Variants in CFAP299 observed in about 807,000 individuals in gnomAD.
CFAP299 encodes the protein cilia and flagella associated protein 299.
In CFAP299, 21 loss-of-function variants were observed where a neutral mutation model predicts 27.0. The ratio of observed to expected loss-of-function variants is 0.78; its 90% CI spans 0.55 to 1.12. The LOEUF (loss-of-function observed/expected upper bound fraction) is 1.12. Among genes scored for constraint, CFAP299 ranks in the 50% most tolerant of loss-of-function variants. The probability of loss-of-function intolerance (pLI) is 0.00; values close to 1 mark genes in which losing one functional copy is unlikely to be tolerated. For synonymous variants in CFAP299, 104 were observed against 98.1 expected (o/e 1.06, Z -0.36); for missense variants, 310 against 276.6 (o/e 1.12, Z -0.86).
chr4:80,944,776 C>T (rs374375143), intron 4 of CFAP299, 34 bp from the exon 5 acceptor site: 13 of 1,495,096 alleles, frequency 8.7e-6, no homozygotes, highest in Non-Finnish European at 1.2e-5. Context: ...ATGCATTATA[C>T]ATCTTAATTC....
At chr4:80,407,190 T>C (rs1421740934) in intron 2 of CFAP299, among the ~76,000 whole-genome samples, 1 of 151,868 alleles carries the variant, frequency 6.6e-6, no homozygotes, top group Non-Finnish European at 1.5e-5. Flanking sequence ...GAATACACAA[T>C]AATAAAAGCC....
chr4:80,908,904 G>GCACA (rs150862436), intron 4 of CFAP299, among the ~76,000 whole-genome samples: 2 of 150,140 alleles, frequency 1.3e-5, no homozygotes, highest in African/African-American at 4.9e-5. Context: ...ATACACGCAA[G>GCACA]CACACACACA....
At chr4:80,580,379 T>C (rs1385398902) in intron 2 of CFAP299, among the ~76,000 whole-genome samples, 1 of 152,002 alleles carries the variant, frequency 6.6e-6, no homozygotes, top group Non-Finnish European at 1.5e-5. Flanking sequence ...AAGTTAGGGT[T>C]GTGTTGCCAA....
chr4:80,722,683 G>A (rs2867787), intron 3 of CFAP299, among the ~76,000 whole-genome samples: 23,455 of 152,060 alleles, frequency 0.15, 2,233 homozygotes, highest in African/African-American at 0.26. Context: ...GGCGGATCAC[G>A]AGGTCAGGAG....
chr4:80,624,525 A>C (rs1162353409), intron 3 of CFAP299, among the ~76,000 whole-genome samples: 1 of 152,032 alleles, frequency 6.6e-6, no homozygotes, highest in African/African-American at 2.4e-5. Flanking sequence ...CATTTGAGTC[A>C]GGGAATACAA....
intron 2 of CFAP299, among the ~76,000 whole-genome samples, chr4:80,445,495 A>T (rs1728576222): frequency 2.0e-5 from 3 of 152,288 alleles, no homozygotes; most frequent in South Asian, 2.1e-4. Context: ...GGACACAGGG[A>T]GGGGAATGTC....
At chr4:80,861,817 A>G (rs1732387685) in intron 3 of CFAP299, among the ~76,000 whole-genome samples, 2 of 152,226 alleles carry the variant, frequency 1.3e-5, no homozygotes, top group East Asian at 1.9e-4. Context: ...TTACTAGCAT[A>G]AAACCCATCT....
chr4:80,508,124 G>A (rs1732122535), intron 2 of CFAP299, among the ~76,000 whole-genome samples: 1 of 152,258 alleles, frequency 6.6e-6, no homozygotes, highest in South Asian at 2.1e-4. Context: ...TTTCTCTAGG[G>A]AGAAGCAGTT....
In CFAP299 at chr4:80,953,664, A is replaced by G. The variant is rs893823774; in HGVS notation, c.606+8725A>G. ...ACCCCCAGAGATAAGCACATTGTTC[A>G]TAAGTGTCCAGTGCATGAACTCATA... On this transcript the variant is annotated intron_variant, in intron 5 of 5. Transcript: ENST00000358105. Among the ~76,000 whole-genome samples the G allele has an allele frequency of 8.5e-5, 13 of 152,332 alleles. No homozygotes were observed. The East Asian group carries it at 2.5e-3, about 29-fold the overall frequency.
chr4:80,413,118 C>T (rs1281984961), intron 2 of CFAP299, among the ~76,000 whole-genome samples: 1 of 148,446 alleles, frequency 6.7e-6, no homozygotes, highest in Non-Finnish European at 1.5e-5. Flanking sequence ...ATCCCAAAGC[C>T]ACCTGTGCGA....
chr4:80,453,647 C>T (rs547243583), intron 2 of CFAP299, among the ~76,000 whole-genome samples: 9 of 151,878 alleles, frequency 5.9e-5, no homozygotes, highest in South Asian at 2.1e-4. Context: ...TCGAGACCAG[C>T]CTGGCCAACA....
Position 80,539,718 on chromosome 4 carries a change from C to G in CFAP299, c.243-43375C>G, listed in dbSNP as rs781561266. Reference sequence around the variant, plus strand: ...TAAACAACCTTAGCAATTAGCTTGGCCCTGTGATTAATGGATGCCAAGTAG... The same window carrying G: ...TAAACAACCTTAGCAATTAGCTTGGGCCTGTGATTAATGGATGCCAAGTAG... On this transcript the variant is annotated intron_variant, in intron 2 of 5. Transcript: ENST00000358105. 7.2e-5 allele frequency among the ~76,000 whole-genome samples: 11 copies of G among 152,250 alleles called. No homozygotes were observed. In the South Asian group the frequency reaches 1.5e-3, roughly 20 times the overall value.
chr4:80,732,889 T>G (rs1457793330), intron 3 of CFAP299, among the ~76,000 whole-genome samples: 1 of 152,134 alleles, frequency 6.6e-6, no homozygotes, highest in African/African-American at 2.4e-5. Context: ...AAAATAAATT[T>G]AGCAGTGTTT....
chr4:80,895,386 T>C (rs1734565759), intron 4 of CFAP299, among the ~76,000 whole-genome samples: 1 of 151,982 alleles, frequency 6.6e-6, no homozygotes, highest in African/African-American at 2.4e-5. Flanking sequence ...TTGAACCACT[T>C]TAAAGGCATT....
intron 2 of CFAP299, among the ~76,000 whole-genome samples, chr4:80,545,608 C>A (rs190190397): frequency 1.1e-3 from 168 of 152,118 alleles, no homozygotes; most frequent in African/African-American, 3.7e-3. Flanking sequence ...GTAATGAAAA[C>A]CTTATCAACC....
intron 4 of CFAP299, among the ~76,000 whole-genome samples, chr4:80,915,363 T>C (rs1167804176): frequency 1.3e-5 from 2 of 152,026 alleles, no homozygotes; most frequent in Non-Finnish European, 2.9e-5. Flanking sequence ...ATTCTTACCC[T>C]TTTTTCTCTG....
chr4:80,458,947 C>A (rs149277193), intron 2 of CFAP299, among the ~76,000 whole-genome samples: 1 of 151,912 alleles, frequency 6.6e-6, no homozygotes, highest in Non-Finnish European at 1.5e-5. Context: ...AAGCTCTTTG[C>A]GGATGGGACT....
intron 2 of CFAP299, among the ~76,000 whole-genome samples, chr4:80,485,026 A>T (rs1040777323): frequency 2.0e-5 from 3 of 152,136 alleles, no homozygotes; most frequent in African/African-American, 7.2e-5. Context: ...AAGGCCATTA[A>T]GAGAAAGAAA....
At chr4:80,350,067 A>G (rs1267813968) in intron 1 of CFAP299, among the ~76,000 whole-genome samples, 1 of 152,214 alleles carries the variant, frequency 6.6e-6, no homozygotes, top group Non-Finnish European at 1.5e-5. Flanking sequence ...AATGAATAAG[A>G]TAATAACAAA....
Sources: gnomAD v4.1 joint callset for allele counts (sites outside exome capture counted in the v4.1 genomes callset) on GRCh38, gnomAD v4.1.1 for gene constraint, MANE v1.5 for transcripts, NCBI Gene and HGNC (gene_info 2026-07-23, HGNC 2026-07-21) for gene names.